ZC3H3: variants seen among roughly 807,000 people sequenced by gnomAD.
ZC3H3 encodes the protein zinc finger CCCH-type containing 3, also known as zinc finger CCCH domain-containing protein 3.
ZC3H3 carries 36 observed loss-of-function variants against 77.3 expected under a neutral mutation model. The observed-to-expected ratio is 0.47, with a 90% CI of 0.36 to 0.61. The LOEUF is 0.61. ZC3H3 is among the 20% of genes least tolerant of loss of function. The pLI is 0.00. For missense variants in ZC3H3, 1,331 were observed against 1,312.2 expected, an observed-to-expected ratio of 1.01 and a Z score of -0.22; for synonymous variants, 626 against 555.2, an observed-to-expected ratio of 1.13 and a Z score of -1.79.
At chr8:143,539,442 A>G in intron 1 of ZC3H3, 122 bp from the exon 2 acceptor site, 1 of 1,058,056 alleles carries the variant, frequency 9.5e-7, no homozygotes, top group Non-Finnish European at 1.3e-6. Context: ...AGCCCCTGCC[A>G]GTTTCAGGAG....
chr8:143,458,773 G>A lies in ZC3H3; in HGVS notation c.2307+6944C>T, dbSNP rs1199134618. Among the ~76,000 whole-genome samples the A allele has an allele frequency of 2.8e-5, 2 of 72,408 alleles. 1 individual carries two copies. Among genetic ancestry groups the A allele is most frequent in the African/African-American group, 1.2e-4 (2 of 17,134 alleles). The allele number at this position is 72,408 out of a possible 152,430, so 47.5% of individuals were successfully genotyped here. On this transcript the variant is annotated intron_variant, in intron 9 of 11. Transcript: ENST00000262577. ...AGCCCAGGACACAGCTGGGCGCAGC[G>A]GCTCACGCCTGTAACCCCAGCATTT...
chr8:143,527,267 C>T (rs11783681), intron 3 of ZC3H3, among the ~76,000 whole-genome samples: 24,780 of 152,158 alleles, frequency 0.16, 2,180 homozygotes, highest in Admixed American at 0.22. Flanking sequence ...AGACACGTGA[C>T]TGGGGGGATG....
intron 9 of ZC3H3, among the ~76,000 whole-genome samples, chr8:143,458,912 G>A (rs1318982936): frequency 2.0e-5 from 3 of 152,152 alleles, no homozygotes; most frequent in South Asian, 4.1e-4. Flanking sequence ...CTTGAGCCCA[G>A]GAGTTCGAGA....
At chr8:143,450,919 G>T (rs1041385234) in intron 9 of ZC3H3, among the ~76,000 whole-genome samples, 14 of 152,110 alleles carry the variant, frequency 9.2e-5, no homozygotes, top group African/African-American at 3.4e-4. Flanking sequence ...GCTGGCTGAG[G>T]GTGTATGGGA....
At chr8:143,455,356 C>T (rs541111207) in intron 9 of ZC3H3, among the ~76,000 whole-genome samples, 1 of 151,768 alleles carries the variant, frequency 6.6e-6, no homozygotes, top group Non-Finnish European at 1.5e-5. Context: ...ATTAGCCAGG[C>T]GTGGTGGCGC....
Position 143,474,031 on chromosome 8 carries a change from T to C in ZC3H3, c.1903+1367A>G, listed in dbSNP as rs184241363. Among the ~76,000 whole-genome samples the C allele has an allele frequency of 5.2e-3, 789 of 152,082 alleles. 5 individuals carry two copies. Among genetic ancestry groups the C allele is most frequent in the African/African-American group, 0.018 (759 of 41,480 alleles). ...CCCTGCTGGGTGACAGGAAGGCCTA[T>C]CCCCCAACCCACGGCAGCATCCCCC... On this transcript the variant is annotated intron_variant, in intron 5 of 11. Coordinates refer to ENST00000262577, the MANE Select transcript of ZC3H3 (RefSeq NM_015117.3).
chr8:143,479,314 A>G (rs2129923332), intron 4 of ZC3H3, among the ~76,000 whole-genome samples: 1 of 152,270 alleles, frequency 6.6e-6, no homozygotes, highest in East Asian at 1.9e-4. Flanking sequence ...CACTCCAGTA[A>G]ATTGTGACCC....
intron 4 of ZC3H3, among the ~76,000 whole-genome samples, chr8:143,489,648 T>G (rs1821145174): frequency 6.6e-6 from 1 of 152,246 alleles, no homozygotes; most frequent in Admixed American, 6.5e-5. Context: ...CCGCCTATGC[T>G]TTATGGCTTT....
chr8:143,447,033 G>A (rs1483841032), intron 9 of ZC3H3, among the ~76,000 whole-genome samples: 3 of 152,246 alleles, frequency 2.0e-5, no homozygotes, highest in African/African-American at 7.2e-5. Flanking sequence ...GACATGAAGG[G>A]CACAGGGACT....
rs1397504018 is a variant in ZC3H3 at position 143,522,888 on chromosome 8, CCAGCCTTGGTGA to C, written c.1561+13357_1561+13368del. On this transcript the variant is annotated intron_variant, in intron 3 of 11. Transcript: ENST00000262577. ...TACAGTGAGATGGCGCCCCTGCACT[CCAGCCTTGGTGA>C]CAGAGCAAGACCCTGTCTCAAAAAA... 1.3e-4 allele frequency among the ~76,000 whole-genome samples: 20 copies of C among 152,116 alleles called. No individual in the cohort carries two copies. The East Asian group carries it at 3.9e-3, about 29-fold the overall frequency.
intron 9 of ZC3H3, among the ~76,000 whole-genome samples, chr8:143,445,220 A>G (rs970549342): frequency 6.6e-6 from 1 of 152,110 alleles, no homozygotes; most frequent in Non-Finnish European, 1.5e-5. Context: ...TGTCTCTACT[A>G]AAAATACAAA....
chr8:143,536,120 C>T (rs1822786932), intron 3 of ZC3H3, 137 bp downstream of exon 3: 3 of 1,083,990 alleles, frequency 2.8e-6, no homozygotes, highest in African/African-American at 1.6e-5. Flanking sequence ...CCACCACCAC[C>T]GTCTGCCAGG....
chr8:143,497,669 G>C (rs1821392261), intron 4 of ZC3H3, among the ~76,000 whole-genome samples: 1 of 152,208 alleles, frequency 6.6e-6, no homozygotes, highest in South Asian at 2.1e-4. Context: ...CAGGGGCCAG[G>C]GCAAGCCTGA....
intron 3 of ZC3H3, among the ~76,000 whole-genome samples, chr8:143,520,418 GAT>G (rs1218338515): frequency 2.0e-5 from 3 of 152,208 alleles, no homozygotes; most frequent in African/African-American, 7.2e-5. Flanking sequence ...TGGTGGAGCC[GAT>G]GGCCAGCTGC....
At chr8:143,481,196 CTCCCAACCCAGCTCCCAGGCCCAGTG>C in intron 4 of ZC3H3, among the ~76,000 whole-genome samples, 2 of 152,306 alleles carry the variant, frequency 1.3e-5, no homozygotes, top group East Asian at 3.9e-4. Flanking sequence ...TCCGGAGCAC[CTCCCAACCCAGCTCCCAGGCCCAGTG>C]GTGCGACCAG....
At chr8:143,510,541 T>C (rs1422789869) in intron 3 of ZC3H3, among the ~76,000 whole-genome samples, 1 of 152,192 alleles carries the variant, frequency 6.6e-6, no homozygotes, top group African/African-American at 2.4e-5. Context: ...AGACCATGCA[T>C]GGCACACGGA....
At chr8:143,512,874 G>T (rs912480513) in intron 3 of ZC3H3, among the ~76,000 whole-genome samples, 1 of 152,234 alleles carries the variant, frequency 6.6e-6, no homozygotes, top group African/African-American at 2.4e-5. Flanking sequence ...TCAGTGGCGC[G>T]GGGAGGTACA....
rs767439264 is a variant in ZC3H3 at position 143,437,733 on chromosome 8, C to T, written c.*323G>A. 135 of 433,196 alleles carry T rather than the reference C, an allele frequency of 3.1e-4. No individual in the cohort carries two copies. The highest frequency in any genetic ancestry group is 1.8e-3 in the African/African-American group (89 of 50,402). The allele number at this position is 433,196 out of a possible 1,614,324, so 26.8% of individuals were successfully genotyped here. On this transcript the variant is annotated 3_prime_UTR_variant, in exon 12 of 12. Transcript: ENST00000262577. ...CTGGCCAGTGGCCTCTTCACTGGGC[C>T]GAAAACCTGGGTGGGGAGGGCTGGG...
intron 9 of ZC3H3, among the ~76,000 whole-genome samples, chr8:143,444,095 C>T (rs954766912): frequency 1.3e-5 from 2 of 151,944 alleles, no homozygotes; most frequent in African/African-American, 4.8e-5. Context: ...CTGCCTCAGC[C>T]TCCCGAGTAG....
Sources: gnomAD v4.1 joint callset for allele counts (sites outside exome capture counted in the v4.1 genomes callset) on GRCh38, gnomAD v4.1.1 for gene constraint, MANE v1.5 for transcripts, NCBI Gene and HGNC (gene_info 2026-07-23, HGNC 2026-07-21) for gene names.